Variants in USP2 observed in about 807,000 individuals in gnomAD.
The protein encoded by USP2 is ubiquitin carboxyl-terminal hydrolase 2.
USP2 carries 33 observed loss-of-function variants against 72.0 expected under a neutral mutation model. The ratio of observed to expected loss-of-function variants is 0.46; its 90% CI spans 0.35 to 0.61. The LOEUF (loss-of-function observed/expected upper bound fraction) is 0.61. Among genes scored for constraint, USP2 ranks in the 20% least tolerant of loss-of-function variants. The pLI is 0.01. For synonymous variants in USP2, 296 were observed against 312.5 expected (o/e 0.95, Z 0.56); for missense variants, 691 against 797.8 (o/e 0.87, Z 1.61).
intron 1 of USP2, among the ~76,000 whole-genome samples, chr11:119,376,538 G>C (rs1438639356): frequency 6.6e-6 from 1 of 152,240 alleles, no homozygotes; most frequent in East Asian, 1.9e-4. Flanking sequence ...CCAGGTGTCC[G>C]CCACCTTGGA....
intron 2 of USP2, chr11:119,364,187 G>A (rs1407371887): frequency 3.4e-6 from 4 of 1,175,068 alleles, no homozygotes; most frequent in Admixed American, 4.6e-5. Flanking sequence ...CCCGGGTCCC[G>A]GCTCTCGCGC....
intron 2 of USP2, among the ~76,000 whole-genome samples, chr11:119,370,547 G>C (rs922848694): frequency 1.3e-5 from 2 of 152,148 alleles, no homozygotes. Context: ...AGTGGTCCAG[G>C]CCGCACGAGC....
At position 119,373,154 on chromosome 11, in the gene USP2, C is replaced by T. The variant is rs1458393254; in HGVS notation, c.327G>A (p.Gly109=). 1.2e-6 allele frequency: 2 copies of T among 1,614,130 alleles called. No homozygotes were observed. Among genetic ancestry groups the T allele is most frequent in the South Asian group, 1.1e-5 (1 of 91,090 alleles). ...TERPLGSGLS[G]GSGFPYGVTN... is the part of the protein sequence containing the mutation. Reference sequence around the variant, plus strand: ...TCACTCCATAAGGGAATCCGCTGCCCCCGCTGAGGCCACTGCCTAAAGGCC... The same window carrying T: ...TCACTCCATAAGGGAATCCGCTGCCTCCGCTGAGGCCACTGCCTAAAGGCC... The change falls in exon 2 of 13, where the codon GGG becomes GGA. Residue 109 remains glycine, a synonymous_variant. Coordinates refer to ENST00000260187, the MANE Select transcript of USP2 (RefSeq NM_004205.5).
intron 2 of USP2, among the ~76,000 whole-genome samples, chr11:119,370,601 TGAC>T (rs1950913340): frequency 2.8e-5 from 1 of 35,156 alleles, no homozygotes; most frequent in Admixed American, 3.9e-4. Flanking sequence ...CTCCAGGAAA[TGAC>T]GATAAGGGGT....
At chr11:119,363,835 A>C (rs1284178236) in intron 2 of USP2, 2 of 1,391,482 alleles carry the variant, frequency 1.4e-6, no homozygotes, top group East Asian at 6.2e-5. Context: ...GGTCCCGGAA[A>C]AGGGCCCGCG....
At chr11:119,358,984 CAA>C (rs1357685418) in intron 6 of USP2, 38 bp downstream of exon 6, 11 of 1,608,108 alleles carry the variant, frequency 6.8e-6, no homozygotes, top group Admixed American at 1.7e-5. Context: ...CTCGAGTTCA[CAA>C]AAGTTTTGCT....
At position 119,359,529 on chromosome 11, in the gene USP2, C is replaced by T. The variant is rs745598206; in HGVS notation, c.949+8G>A. 10 of 1,613,448 alleles carry T rather than the reference C, an allele frequency of 6.2e-6. No individual in the cohort carries two copies. The African/African-American group carries it at 8.0e-5, about 13-fold the overall frequency. On this transcript the variant is annotated splice_region_variant and intron_variant, in intron 4 of 12. Transcript: ENST00000260187. Reference sequence around the variant, plus strand: ...GTAGGCAGGGGCACATGACAGAGGGCCTCTCACCTTCCACGAGGGCTGTGT... The same window carrying T: ...GTAGGCAGGGGCACATGACAGAGGGTCTCTCACCTTCCACGAGGGCTGTGT...
intron 11 of USP2, 62 bp from the exon 12 acceptor site, chr11:119,357,369 C>T: frequency 6.2e-7 from 1 of 1,610,524 alleles, no homozygotes; most frequent in Non-Finnish European, 8.5e-7. Flanking sequence ...CCCCTCCAAC[C>T]TCTCCTTCTG....
In USP2 at chr11:119,373,224, G is replaced by T. The variant is rs762836489; in HGVS notation, c.257C>A (p.Thr86Asn). 1 of 1,614,060 alleles carries T rather than the reference G, an allele frequency of 6.2e-7. No individual in the cohort carries two copies. The highest frequency in any genetic ancestry group is 1.1e-5 in the South Asian group (1 of 91,086). The change falls in exon 2 of 13, where the codon ACT (threonine) becomes AAT (asparagine). Residue 86 changes from threonine to asparagine, a missense_variant. Coordinates refer to ENST00000260187, the MANE Select transcript of USP2 (RefSeq NM_004205.5). ...RGRPLLRPDI[T>N]GGGKRAESQT... The stretch of plus-strand genomic sequence containing the variant: ...GCTCTCTGCCCGCTTACCACCCCCA[G>T]TGATGTCGGGTCTCAGCAGGGGGCG...
chr11:119,377,527 C>G (rs1221005304), intron 1 of USP2, among the ~76,000 whole-genome samples: 1 of 152,180 alleles, frequency 6.6e-6, no homozygotes, highest in East Asian at 1.9e-4. Context: ...TACTGATAGG[C>G]CGAGAGATGG....
At chr11:119,364,319 C>T in intron 2 of USP2, 1 of 401,492 alleles carries the variant, frequency 2.5e-6, no homozygotes, top group Non-Finnish European at 3.4e-6. Context: ...GCACGCGGAC[C>T]CGAACGAGGC....
chr11:119,373,574 C>T (rs1950964049), intron 1 of USP2, 53 bp from the exon 2 acceptor site: 1 of 1,428,286 alleles, frequency 7.0e-7, no homozygotes, highest in East Asian at 2.5e-5. Context: ...GTCGGGCTCC[C>T]ACAGACCTGC....
At chr11:119,359,885 A>G (rs1950735948) in intron 3 of USP2, among the ~76,000 whole-genome samples, 1 of 152,220 alleles carries the variant, frequency 6.6e-6, no homozygotes, top group African/African-American at 2.4e-5. Context: ...GAGGTGCACA[A>G]AAGGGCGTGA....
chr11:119,375,319 G>A (rs1473826385), intron 1 of USP2, among the ~76,000 whole-genome samples: 1 of 152,214 alleles, frequency 6.6e-6, no homozygotes, highest in African/African-American at 2.4e-5. Context: ...CTTCCATATA[G>A]GCCCGGAACA....
At position 119,359,784 on chromosome 11, in the gene USP2, A is replaced by G. The variant is rs2288596; in HGVS notation, c.826-124T>C. ...CTTTCATAGGAGGCTATCCTTTCAT[A>G]GCCTCAAGTTCCTCTTTTCATAAGT... On this transcript the variant is annotated intron_variant, in intron 3 of 12. Coordinates refer to ENST00000260187, the MANE Select transcript of USP2 (RefSeq NM_004205.5). The G allele has an allele frequency of 2.1e-4, 282 of 1,354,100 alleles. 1 individual carries two copies. The East Asian group carries it at 5.8e-3, about 28-fold the overall frequency. The allele number at this position is 1,354,100 out of a possible 1,614,324, so 83.9% of individuals were successfully genotyped here. A position where few individuals can be genotyped will look rare whatever the true frequency, so the allele number is the denominator to read the frequency against.
Position 119,381,554 on chromosome 11 carries a change from C to G in USP2, c.-123G>C. The G allele has an allele frequency of 1.3e-6, 2 of 1,535,972 alleles. No homozygotes were observed. Among genetic ancestry groups the G allele is most frequent in the East Asian group, 2.4e-5 (1 of 40,906 alleles). ...TGAGTCCCGGCTGGCGCTGGCGCGG[C>G]GCAGTGAGCACCAGCTGACGAAGAG... On this transcript the variant is annotated 5_prime_UTR_variant, in exon 1 of 13. Coordinates refer to ENST00000260187, the MANE Select transcript of USP2 (RefSeq NM_004205.5).
chr11:119,366,918 G>A (rs1466487530), intron 2 of USP2, among the ~76,000 whole-genome samples: 1 of 152,208 alleles, frequency 6.6e-6, no homozygotes, highest in African/African-American at 2.4e-5. Context: ...GTTGCCAGGA[G>A]CAGGGAGGGC....
intron 2 of USP2, among the ~76,000 whole-genome samples, chr11:119,369,143 C>G (rs997771149): frequency 1.3e-5 from 2 of 152,166 alleles, no homozygotes; most frequent in African/African-American, 4.8e-5. Context: ...TGTTCCTCCT[C>G]TCTGCATTTT....
chr11:119,372,442 C>A (rs987819122), intron 2 of USP2, among the ~76,000 whole-genome samples: 1 of 152,236 alleles, frequency 6.6e-6, no homozygotes, highest in Non-Finnish European at 1.5e-5. Flanking sequence ...GTTCATTGGG[C>A]GCAGCAGAGC....
Sources: allele counts gnomAD v4.1 joint callset (sites outside exome capture counted in the v4.1 genomes callset), GRCh38; gene constraint gnomAD v4.1.1; transcripts MANE v1.5; gene names NCBI Gene and HGNC (gene_info 2026-07-23, HGNC 2026-07-21).